The following COP1 variants were observed in gnomAD, a reference collection of about 807,000 sequenced individuals.
COP1 encodes the protein E3 ubiquitin-protein ligase COP1.
Under a neutral mutation model 101.3 loss-of-function variants are expected in COP1, and 24 were observed. The observed-to-expected ratio is 0.24, with a 90% confidence interval of 0.17 to 0.33. The LOEUF is 0.33. COP1 is among the 10% of genes least tolerant of loss of function. COP1 has a pLI of 1.00. For synonymous variants in COP1, 347 were observed against 341.9 expected (o/e 1.01, Z -0.17); for missense variants, 663 against 906.2 (o/e 0.73, Z 3.45).
intron 18 of COP1, chr1:175,982,224 C>A: frequency 3.1e-6 from 1 of 320,450 alleles, no homozygotes; most frequent in Admixed American, 3.8e-5. Context: ...CAGAAAAAAA[C>A]ATGCACACTC....
intron 2 of COP1, among the ~76,000 whole-genome samples, chr1:176,184,211 G>C (rs1698159310): frequency 6.6e-6 from 1 of 152,150 alleles, no homozygotes; most frequent in Admixed American, 6.5e-5. Context: ...ATTGAGCAAA[G>C]TGTTAAAGAA....
chr1:176,133,972 T>C lies in COP1; in HGVS notation c.968+1038A>G, dbSNP rs899765230. On this transcript the variant is annotated intron_variant, in intron 8 of 19. Transcript: ENST00000367669. ...AAAGAAAGTAAAATATAGAAGAAAATCGGCTGAATTACACAGCTAAAATAA... is the reference window on the plus strand; with the variant it reads ...AAAGAAAGTAAAATATAGAAGAAAACCGGCTGAATTACACAGCTAAAATAA... 24 of 433,750 alleles carry C rather than the reference T, an allele frequency of 5.5e-5. No individual in the cohort carries two copies. In the East Asian group the frequency reaches 1.3e-3, roughly 23 times the overall value. 26.9% of individuals were successfully genotyped at this position (433,750 alleles called of 1,614,324 possible). A position where few individuals can be genotyped will look rare whatever the true frequency, so the allele number is the denominator to read the frequency against.
intron 14 of COP1, among the ~76,000 whole-genome samples, chr1:176,033,030 A>T (rs1444695627): frequency 2.0e-5 from 3 of 152,222 alleles, no homozygotes; most frequent in African/African-American, 7.2e-5. Flanking sequence ...GAAGCATTAC[A>T]ATCAGCATGA....
At position 175,989,169 on chromosome 1, in the gene COP1, T is replaced by C. The variant is rs1657818166; in HGVS notation, c.1847+193A>G. The C allele has an allele frequency of 1.5e-5, 6 of 394,794 alleles. No individual in the cohort carries two copies. In the South Asian group the frequency reaches 5.8e-4, roughly 38 times the overall value. 24.5% of individuals were successfully genotyped at this position (394,794 alleles called of 1,614,324 possible). ...TTCAGGATTTTACCCACAATTCACA[T>C]ATAAAAGTGCACAATACAGACCAGA... On this transcript the variant is annotated intron_variant, in intron 16 of 19. Transcript: ENST00000367669.
At chr1:176,007,633 G>A (rs1477294402) in intron 15 of COP1, among the ~76,000 whole-genome samples, 3 of 151,724 alleles carry the variant, frequency 2.0e-5, no homozygotes, top group Non-Finnish European at 4.4e-5. Context: ...CCTGCTGGGG[G>A]GTGTCTCCCA....
intron 15 of COP1, among the ~76,000 whole-genome samples, chr1:175,990,844 A>G (rs1400692017): frequency 6.6e-6 from 1 of 151,748 alleles, no homozygotes; most frequent in Admixed American, 6.6e-5. Flanking sequence ...CTGTTACTTT[A>G]ACCTATTTGT....
chr1:176,206,937 T>C lies in COP1; in HGVS notation c.42A>G (p.Thr14=). Reference sequence around the variant, plus strand: ...AGGAGGCCGCCGAGGACCCGGGGCTTGTCCCAGCGGAGCCCGACCCGGCCT... The same window carrying C: ...AGGAGGCCGCCGAGGACCCGGGGCTCGTCCCAGCGGAGCCCGACCCGGCCT... ...SRQAGSGSAG[T]SPGSSAASSV... The change falls in exon 1 of 20, where the codon ACA becomes ACG. Residue 14 remains threonine, a synonymous_variant. Coordinates refer to ENST00000367669, the MANE Select transcript of COP1 (RefSeq NM_022457.7). 1 of 1,458,294 alleles carries C rather than the reference T, an allele frequency of 6.9e-7. No homozygotes were observed. The allele number at this position is 1,458,294 out of a possible 1,614,324, so 90.3% of individuals were successfully genotyped here. A position where few individuals can be genotyped will look rare whatever the true frequency, so the allele number is the denominator to read the frequency against.
intron 14 of COP1, among the ~76,000 whole-genome samples, chr1:176,040,587 G>C (rs763745289): frequency 6.6e-6 from 1 of 152,140 alleles, no homozygotes; most frequent in Non-Finnish European, 1.5e-5. Flanking sequence ...TGGGATTACA[G>C]GTGTGAGTCA....
intron 5 of COP1, among the ~76,000 whole-genome samples, 193 bp downstream of exon 5, chr1:176,162,676 A>G (rs771021463): frequency 6.6e-6 from 1 of 152,246 alleles, no homozygotes; most frequent in Non-Finnish European, 1.5e-5. Flanking sequence ...CAAATAAGTT[A>G]TAATGTATTG....
At chr1:176,022,236 T>C (rs1456124425) in intron 15 of COP1, among the ~76,000 whole-genome samples, 4 of 152,138 alleles carry the variant, frequency 2.6e-5, no homozygotes, top group Admixed American at 6.5e-5. Flanking sequence ...CAAGCACAAA[T>C]ATAAGATCTA....
intron 9 of COP1, among the ~76,000 whole-genome samples, chr1:176,109,121 T>C (rs1209551440): frequency 6.6e-6 from 1 of 151,984 alleles, no homozygotes; most frequent in Non-Finnish European, 1.5e-5. Flanking sequence ...AAAAAAATAA[T>C]AAAATAAATA....
At chr1:176,042,270 CAAAAAAAAA>C (rs35822380) in intron 14 of COP1, among the ~76,000 whole-genome samples, 1 of 88,034 alleles carries the variant, frequency 1.1e-5, no homozygotes, top group Non-Finnish European at 2.1e-5. Context: ...AACTCTATCT[CAAAAAAAAA>C]AAAAAAAAAG....
chr1:176,136,609 A>C, intron 6 of COP1, 62 bp from the exon 7 acceptor site: 1 of 1,011,764 alleles, frequency 9.9e-7, no homozygotes, highest in Non-Finnish European at 1.5e-6. Flanking sequence ...CCAAAATGGC[A>C]TCACCATGAT....
chr1:176,077,845 C>A (rs191459180), intron 11 of COP1, among the ~76,000 whole-genome samples: 3 of 152,162 alleles, frequency 2.0e-5, no homozygotes, highest in African/African-American at 7.2e-5. Flanking sequence ...GGTAGCATTT[C>A]CATATACTAA....
At chr1:176,000,949 A>G (rs191687999) in intron 15 of COP1, among the ~76,000 whole-genome samples, 44 of 152,210 alleles carry the variant, frequency 2.9e-4, no homozygotes, top group Non-Finnish European at 2.5e-4. Context: ...TTCTGCTGCA[A>G]TATAGCTCCA....
chr1:176,117,264 T>A (rs920109854), intron 8 of COP1, among the ~76,000 whole-genome samples: 1 of 152,150 alleles, frequency 6.6e-6, no homozygotes, highest in Non-Finnish European at 1.5e-5. Context: ...AAATAAATGG[T>A]AAAATAACAA....
At chr1:176,045,934 AT>A (rs1194926230) in intron 12 of COP1, among the ~76,000 whole-genome samples, 3 of 151,738 alleles carry the variant, frequency 2.0e-5, no homozygotes, top group Non-Finnish European at 4.4e-5. Context: ...CCTTTATTTG[AT>A]TAAGTGAAAG....
intron 5 of COP1, 24 bp downstream of exon 5, chr1:176,162,845 T>G (rs748485274): frequency 6.4e-7 from 1 of 1,561,328 alleles, no homozygotes; most frequent in Admixed American, 2.0e-5. Flanking sequence ...TTTAAAATTT[T>G]TTTTAAGTTT....
chr1:176,020,593 G>A (rs1033578767), intron 15 of COP1, among the ~76,000 whole-genome samples: 7 of 152,066 alleles, frequency 4.6e-5, no homozygotes, highest in African/African-American at 1.4e-4. Flanking sequence ...CAGGAGAATC[G>A]CTCTACCTGT....
Sources: gnomAD v4.1 joint callset for allele counts (sites outside exome capture counted in the v4.1 genomes callset) on GRCh38, gnomAD v4.1.1 for gene constraint, MANE v1.5 for transcripts, NCBI Gene and HGNC (gene_info 2026-07-23, HGNC 2026-07-21) for gene names.